Variants in XRN1 observed in about 807,000 individuals in gnomAD.
The protein encoded by XRN1 is 5'-3' exoribonuclease 1, also known as strand-exchange protein 1 homolog.
XRN1 carries 67 observed loss-of-function variants against 222.3 expected under a neutral mutation model. The ratio of observed to expected loss-of-function variants is 0.30; its 90% CI spans 0.25 to 0.37. XRN1 has a LOEUF of 0.37. XRN1 is among the 10% of genes least tolerant of loss of function. XRN1 has a pLI of 1.00. For missense variants in XRN1, 1,707 were observed against 2,000.2 expected, an observed-to-expected ratio of 0.85 and a Z score of 2.80; for synonymous variants, 643 against 652.4, an observed-to-expected ratio of 0.99 and a Z score of 0.22.
chr3:142,389,156 T>C (rs781609939), intron 20 of XRN1, among the ~76,000 whole-genome samples: 13 of 152,168 alleles, frequency 8.5e-5, no homozygotes, highest in Admixed American at 3.3e-4. Flanking sequence ...GAGGTTGCAG[T>C]GAGCCGAGAT....
At chr3:142,379,210 G>A (rs1327394094) in intron 23 of XRN1, among the ~76,000 whole-genome samples, 1 of 152,170 alleles carries the variant, frequency 6.6e-6, no homozygotes, top group East Asian at 1.9e-4. Context: ...GGCAGAGGTT[G>A]CACTGAGCCA....
chr3:142,386,908 T>G (rs1379649404), intron 20 of XRN1, among the ~76,000 whole-genome samples: 1 of 152,162 alleles, frequency 6.6e-6, no homozygotes, highest in African/African-American at 2.4e-5. Context: ...ACAAAGAGTT[T>G]GCAAACCTTT....
chr3:142,410,978 A>C (rs1237231324), intron 15 of XRN1, among the ~76,000 whole-genome samples: 1 of 152,092 alleles, frequency 6.6e-6, no homozygotes, highest in Admixed American at 6.5e-5. Context: ...TTATTTCTTA[A>C]ATGTTTGCTA....
intron 1 of XRN1, among the ~76,000 whole-genome samples, chr3:142,438,231 C>T (rs930736911): frequency 6.6e-6 from 1 of 152,138 alleles, no homozygotes; most frequent in African/African-American, 2.4e-5. Flanking sequence ...AGGACTGCTA[C>T]ATTGGGGAGC....
chr3:142,379,733 T>G (rs886449319), intron 23 of XRN1, among the ~76,000 whole-genome samples: 2 of 152,232 alleles, frequency 1.3e-5, no homozygotes, highest in African/African-American at 4.8e-5. Context: ...ATTTGTCACT[T>G]GCAACTAAAA....
chr3:142,334,221 C>T (rs1460827822), intron 34 of XRN1, among the ~76,000 whole-genome samples: 1 of 152,010 alleles, frequency 6.6e-6, no homozygotes, highest in Non-Finnish European at 1.5e-5. Context: ...AAGGAAATTA[C>T]AGTATAAGAG....
intron 29 of XRN1, among the ~76,000 whole-genome samples, chr3:142,362,734 TTCCC>T (rs546080405): frequency 1.4e-5 from 2 of 146,928 alleles, no homozygotes; most frequent in Non-Finnish European, 3.0e-5. Flanking sequence ...CTTCTCCTCC[TTCCC>T]TCCCTCCCTC....
intron 20 of XRN1, among the ~76,000 whole-genome samples, chr3:142,392,490 A>C (rs1322423467): frequency 2.0e-5 from 3 of 151,990 alleles, no homozygotes; most frequent in Admixed American, 1.3e-4. Context: ...CCACCCCACA[A>C]CAGTCCCCAG....
At chr3:142,340,374 A>G (rs1267595046) in intron 33 of XRN1, among the ~76,000 whole-genome samples, 2 of 151,794 alleles carry the variant, frequency 1.3e-5, no homozygotes, top group Non-Finnish European at 2.9e-5. Flanking sequence ...CCACACACAC[A>G]GAGAAGAGAA....
At chr3:142,378,632 A>G (rs1189597183) in intron 23 of XRN1, among the ~76,000 whole-genome samples, 29 of 152,218 alleles carry the variant, frequency 1.9e-4, no homozygotes, top group African/African-American at 6.8e-4. Flanking sequence ...AAAACTAAGA[A>G]GATCAATCCA....
chr3:142,418,428 TC>T (rs746863471), intron 12 of XRN1, 75 bp downstream of exon 12: 3 of 1,226,788 alleles, frequency 2.4e-6, no homozygotes. Context: ...CACTACTTCA[TC>T]AAAATCATAT....
chr3:142,400,415 A>C, intron 19 of XRN1, 29 bp downstream of exon 19: 1 of 1,542,342 alleles, frequency 6.5e-7, no homozygotes, highest in Non-Finnish European at 8.8e-7. Flanking sequence ...AATATATGTT[A>C]GAAAAATTAT....
chr3:142,333,486 C>A (rs1299572940), intron 34 of XRN1, among the ~76,000 whole-genome samples: 5 of 152,004 alleles, frequency 3.3e-5, no homozygotes, highest in African/African-American at 1.2e-4. Context: ...AGAAAAGGGG[C>A]CTATAAACTT....
rs749400705 is a variant in XRN1, at chr3:142,355,395, A to G, written c.3768+6T>C. ...TTAATTGTCCATCAAAACAAGGAAT[A>G]CTAACCTTCTCTTGTATAGTTGGCT... On this transcript the variant is annotated splice_donor_region_variant and intron_variant, in intron 32 of 40. Coordinates refer to ENST00000392981, the MANE Select transcript of XRN1 (RefSeq NM_001282857.2). 7 of 1,487,916 alleles carry G rather than the reference A, an allele frequency of 4.7e-6. No homozygotes were observed. The highest frequency in any genetic ancestry group is 2.4e-5 in the East Asian group (1 of 42,132). The allele number at this position is 1,487,916 out of a possible 1,614,324, so 92.2% of individuals were successfully genotyped here.
At chr3:142,376,708 G>T in intron 23 of XRN1, 114 bp from the exon 24 acceptor site, 1 of 749,946 alleles carries the variant, frequency 1.3e-6, no homozygotes, top group Non-Finnish European at 2.1e-6. Context: ...ATTGGATTGT[G>T]GCAATATAAG....
chr3:142,446,734 G>C (rs925472100), intron 1 of XRN1, among the ~76,000 whole-genome samples: 1 of 151,902 alleles, frequency 6.6e-6, no homozygotes, highest in Non-Finnish European at 1.5e-5. Flanking sequence ...GCCCTCCCCG[G>C]GGGAAAAAAA....
At chr3:142,413,079 A>G (rs1387409072) in intron 14 of XRN1, among the ~76,000 whole-genome samples, 1 of 152,158 alleles carries the variant, frequency 6.6e-6, no homozygotes, top group Non-Finnish European at 1.5e-5. Context: ...TGAAGAACTG[A>G]TTCTATTAAG....
chr3:142,379,077 A>G (rs369243232), intron 23 of XRN1, among the ~76,000 whole-genome samples: 2 of 151,814 alleles, frequency 1.3e-5, no homozygotes, highest in South Asian at 2.1e-4. Context: ...TGAGACCAAC[A>G]TGGTGAAACC....
chr3:142,410,552 G>A (rs1165201994), intron 15 of XRN1, among the ~76,000 whole-genome samples: 1 of 135,620 alleles, frequency 7.4e-6, no homozygotes, highest in Admixed American at 8.1e-5. Flanking sequence ...GGAGTGCAGT[G>A]GCTGGATCTC....
Sources: gnomAD v4.1 joint callset for allele counts (sites outside exome capture counted in the v4.1 genomes callset) on GRCh38, gnomAD v4.1.1 for gene constraint, MANE v1.5 for transcripts, NCBI Gene and HGNC (gene_info 2026-07-23, HGNC 2026-07-21) for gene names.